SUSD4: variants seen among roughly 807,000 people sequenced by gnomAD.
The protein encoded by SUSD4 is sushi domain containing 4.
A neutral mutation model predicts 50.5 loss-of-function variants in SUSD4; 41 were observed. The observed-to-expected ratio is 0.81, with a 90% CI of 0.63 to 1.05. SUSD4 has a LOEUF of 1.05. Among genes scored for constraint, SUSD4 ranks in the 50% least tolerant of loss-of-function variants. The pLI is 0.00. For missense variants in SUSD4, 580 were observed against 634.7 expected (o/e 0.91, Z 0.93); for synonymous variants, 257 against 257.3 (o/e 1.00, Z 0.01).
At chr1:223,351,734 C>T (rs894911475) in intron 2 of SUSD4, among the ~76,000 whole-genome samples, 1 of 152,076 alleles carries the variant, frequency 6.6e-6, no homozygotes, top group African/African-American at 2.4e-5. Context: ...CATGCATCAT[C>T]CTGGGTGCAT....
intron 1 of SUSD4, 82 bp from the exon 2 acceptor site, chr1:223,363,542 C>T (rs964247886): frequency 1.5e-6 from 2 of 1,335,942 alleles, no homozygotes; most frequent in Admixed American, 6.1e-5. Flanking sequence ...CTCTGGGACC[C>T]GGCGCCTCGG....
Position 223,229,194 on chromosome 1 carries a change from T to A in SUSD4, c.916+3A>T. On this transcript the variant is annotated splice_donor_region_variant and intron_variant, in intron 6 of 8. Coordinates refer to ENST00000366878, the MANE Select transcript of SUSD4 (RefSeq NM_017982.4). This position sits in a 1 kb window ranked among gnomAD's most constrained non-coding sequence, Gnocchi z 4.7. ...CCTCCAAGGGTGAGGCCTTCAGTCTTACCTGATTTGATGCAGTAGACTTGA... is the reference window on the plus strand; with the variant it reads ...CCTCCAAGGGTGAGGCCTTCAGTCTAACCTGATTTGATGCAGTAGACTTGA... 6.3e-7 allele frequency: 1 copy of A among 1,596,584 alleles called. No homozygotes were observed. The highest frequency in any genetic ancestry group is 8.6e-7 in the Non-Finnish European group (1 of 1,165,358).
chr1:223,283,066 T>C (rs946141215), intron 3 of SUSD4, among the ~76,000 whole-genome samples: 2 of 152,194 alleles, frequency 1.3e-5, no homozygotes, highest in Non-Finnish European at 2.9e-5. Flanking sequence ...TTACACCTTA[T>C]ATGAAAATTA....
At chr1:223,271,082 A>G (rs1285067688) in intron 3 of SUSD4, among the ~76,000 whole-genome samples, 1 of 152,068 alleles carries the variant, frequency 6.6e-6, no homozygotes, top group Admixed American at 6.6e-5. Context: ...CACATTTATC[A>G]AGGCATCCGT....
At chr1:223,343,121 T>C (rs150437805) in intron 2 of SUSD4, among the ~76,000 whole-genome samples, 9 of 152,334 alleles carry the variant, frequency 5.9e-5, no homozygotes, top group Non-Finnish European at 1.3e-4. Context: ...TTTCAGGTTC[T>C]TGAACATTCT....
intron 2 of SUSD4, among the ~76,000 whole-genome samples, chr1:223,359,640 G>A (rs1230654332): frequency 6.6e-6 from 1 of 152,210 alleles, no homozygotes; most frequent in East Asian, 1.9e-4. Context: ...TCTACTGTGT[G>A]TCAGATGTTG....
intron 2 of SUSD4, among the ~76,000 whole-genome samples, chr1:223,352,964 A>G (rs1269366071): frequency 6.6e-6 from 1 of 151,716 alleles, no homozygotes; most frequent in Non-Finnish European, 1.5e-5. Context: ...TCCCTCCCTC[A>G]TGGACCTCCG....
intron 5 of SUSD4, 193 bp downstream of exon 5, chr1:223,264,437 G>A (rs1172761595): frequency 4.5e-6 from 6 of 1,336,354 alleles, no homozygotes; most frequent in East Asian, 2.7e-5. Context: ...CTAAGGATGA[G>A]GGAAGCAAGT....
intron 2 of SUSD4, among the ~76,000 whole-genome samples, chr1:223,353,232 C>T (rs1668464213): frequency 6.6e-6 from 1 of 152,142 alleles, no homozygotes; most frequent in African/African-American, 2.4e-5. Context: ...TGTCCACACA[C>T]AATGAGTTTT....
At chr1:223,241,453 T>C (rs541669519) in intron 5 of SUSD4, among the ~76,000 whole-genome samples, 7 of 152,330 alleles carry the variant, frequency 4.6e-5, no homozygotes, top group African/African-American at 1.7e-4. Context: ...CCCTTGGTGG[T>C]TTCCACCTGT....
intron 2 of SUSD4, among the ~76,000 whole-genome samples, chr1:223,336,798 T>C (rs749929219): frequency 6.6e-6 from 1 of 152,152 alleles, no homozygotes; most frequent in Non-Finnish European, 1.5e-5. Flanking sequence ...ATGCTAATTC[T>C]ATCTCAGCGA....
intron 2 of SUSD4, among the ~76,000 whole-genome samples, chr1:223,334,156 G>C (rs1667329314): frequency 6.6e-6 from 1 of 152,138 alleles, no homozygotes; most frequent in Non-Finnish European, 1.5e-5. Flanking sequence ...TATCCTCAGA[G>C]ATACAAGAGA....
At chr1:223,345,630 T>C (rs1220357003) in intron 2 of SUSD4, among the ~76,000 whole-genome samples, 1 of 152,358 alleles carries the variant, frequency 6.6e-6, no homozygotes, top group South Asian at 2.1e-4. Flanking sequence ...ATCACATTTA[T>C]AACGCCGACG....
In SUSD4 at chr1:223,351,870, T is replaced by C. The variant is rs192608300; in HGVS notation, c.148+11408A>G. Among the ~76,000 whole-genome samples the C allele has an allele frequency of 2.0e-5, 3 of 152,108 alleles. No individual in the cohort carries two copies. The East Asian group carries it at 5.8e-4, about 29-fold the overall frequency. On this transcript the variant is annotated intron_variant, in intron 2 of 8. Transcript: ENST00000366878. ...GAAGGTCCAGGAAGCAATGGGCTGGTACAGTCTTTTGCATTTCCATGGACG... is the reference window on the plus strand; with the variant it reads ...GAAGGTCCAGGAAGCAATGGGCTGGCACAGTCTTTTGCATTTCCATGGACG...
chr1:223,252,910 G>C (rs2103046633), intron 5 of SUSD4, among the ~76,000 whole-genome samples: 1 of 151,918 alleles, frequency 6.6e-6, no homozygotes, highest in Admixed American at 6.6e-5. Flanking sequence ...GGCCAACATG[G>C]TAAAAAACCC....
intron 7 of SUSD4, among the ~76,000 whole-genome samples, chr1:223,225,725 G>A (rs1032945339): frequency 5.9e-5 from 9 of 152,066 alleles, no homozygotes; most frequent in Non-Finnish European, 1.3e-4. Flanking sequence ...GTGAGCAGAC[G>A]CCTCTCTTCT....
At chr1:223,306,319 A>G (rs539628958) in intron 2 of SUSD4, among the ~76,000 whole-genome samples, 4 of 152,362 alleles carry the variant, frequency 2.6e-5, no homozygotes, top group Admixed American at 2.6e-4. Flanking sequence ...TTGTGGTATT[A>G]TATCATGGGA....
At chr1:223,334,493 AAGGC>A (rs1667348563) in intron 2 of SUSD4, among the ~76,000 whole-genome samples, 1 of 152,172 alleles carries the variant, frequency 6.6e-6, no homozygotes, top group Non-Finnish European at 1.5e-5. Context: ...CCAAACTGAC[AAGGC>A]TATAATAAAT....
At chr1:223,253,347 AAAG>A (rs1661466475) in intron 5 of SUSD4, among the ~76,000 whole-genome samples, 1 of 152,160 alleles carries the variant, frequency 6.6e-6, no homozygotes, top group East Asian at 1.9e-4. Context: ...ACAAAAAAAA[AAAG>A]AAAATGATCA....
Sources: allele counts gnomAD v4.1 joint callset (sites outside exome capture counted in the v4.1 genomes callset), GRCh38; gene constraint gnomAD v4.1.1; non-coding constraint Gnocchi (gnomAD v3.1); transcripts MANE v1.5; gene names NCBI Gene and HGNC (gene_info 2026-07-23, HGNC 2026-07-21).